Variants in CHLSN observed in about 807,000 individuals in gnomAD.
The protein encoded by CHLSN is protein cholesin.
chr7:1,009,123 C>T, the CHLSN span, among the ~76,000 whole-genome samples: 1 of 152,214 alleles, frequency 6.6e-6, no homozygotes, highest in Admixed American at 6.5e-5. Context: ...CACAGCCACA[C>T]TGGGGGTCAT....
At chr7:1,093,334 G>A in the CHLSN span, 19 of 422,708 alleles carry the variant, frequency 4.5e-5, no homozygotes, top group East Asian at 3.6e-4. Context: ...GCTGGACGTC[G>A]CGGTGTGTCC....
At chr7:1,029,884 C>T in the CHLSN span, among the ~76,000 whole-genome samples, 6 of 152,160 alleles carry the variant, frequency 3.9e-5, no homozygotes, top group Admixed American at 6.5e-5. Flanking sequence ...GTGGTGGCAG[C>T]GGGGCAGGCA....
chr7:997,796 A>G, the CHLSN span: 2 of 1,604,266 alleles, frequency 1.2e-6, no homozygotes, highest in Non-Finnish European at 1.7e-6. Context: ...AGAAGTGCTC[A>G]TCGGGAACCT....
chr7:1,030,523 T>C, the CHLSN span, among the ~76,000 whole-genome samples: 1 of 152,296 alleles, frequency 6.6e-6, no homozygotes, highest in South Asian at 2.1e-4. Context: ...CGCTTCCAGC[T>C]ACCCTGCTCT....
At chr7:1,065,738 G>T in the CHLSN span, among the ~76,000 whole-genome samples, 6 of 152,218 alleles carry the variant, frequency 3.9e-5, no homozygotes, top group Non-Finnish European at 7.3e-5. Context: ...GTCAGAACAC[G>T]CCAGGGTGGA....
At chr7:1,009,045 A>ACACGTACGCACATGCCCACG in the CHLSN span, among the ~76,000 whole-genome samples, 4 of 151,540 alleles carry the variant, frequency 2.6e-5, no homozygotes, top group Middle Eastern at 3.4e-3. Context: ...ACACATGCAC[A>ACACGTACGCACATGCCCACG]CACGTACACG....
chr7:1,032,269 T>C, the CHLSN span, among the ~76,000 whole-genome samples: 100,876 of 152,168 alleles, frequency 0.66, 35,029 homozygotes, highest in African/African-American at 0.87. Flanking sequence ...AACCTGGGGC[T>C]GAGGATGAAG....
the CHLSN span, among the ~76,000 whole-genome samples, chr7:1,006,754 T>C: frequency 5.5e-5 from 5 of 91,714 alleles, no homozygotes; most frequent in Middle Eastern, 0.013. Context: ...GATGGCCACA[T>C]TGCAGGGAAA....
the CHLSN span, chr7:1,092,514 C>T: frequency 1.6e-4 from 264 of 1,608,044 alleles, no homozygotes; most frequent in African/African-American, 2.9e-3. Flanking sequence ...GCATGATCCT[C>T]GCGGTGGTGC....
chr7:1,024,428 C>T, the CHLSN span: 1 of 152,232 alleles, frequency 6.6e-6, no homozygotes, highest in Admixed American at 6.5e-5. Context: ...ACCCATGGGA[C>T]AGGAGAGACG....
the CHLSN span, among the ~76,000 whole-genome samples, chr7:1,101,982 G>A: frequency 6.6e-6 from 1 of 152,264 alleles, no homozygotes; most frequent in Admixed American, 6.5e-5. Flanking sequence ...TGCCTTGGCA[G>A]CGTGTGAAAT....
At chr7:1,008,854 A>AACACACGC in the CHLSN span, among the ~76,000 whole-genome samples, 74 of 150,676 alleles carry the variant, frequency 4.9e-4, no homozygotes, top group African/African-American at 1.8e-3. Context: ...CACACACGTA[A>AACACACGC]ACACACGCAC....
the CHLSN span, among the ~76,000 whole-genome samples, chr7:1,016,850 CA>C: frequency 1.3e-4 from 12 of 94,092 alleles, no homozygotes; most frequent in African/African-American, 3.0e-4. Flanking sequence ...CGCCAGCACA[CA>C]GCAGCACACA....
the CHLSN span, among the ~76,000 whole-genome samples, chr7:1,032,723 T>C: frequency 6.6e-6 from 1 of 152,244 alleles, no homozygotes. Context: ...GCCCTTGGGC[T>C]GCTCCAGTCT....
At chr7:1,081,361 G>C in the CHLSN span, among the ~76,000 whole-genome samples, 4 of 152,364 alleles carry the variant, frequency 2.6e-5, no homozygotes, top group East Asian at 5.8e-4. Flanking sequence ...ATGAAAGGTG[G>C]GGGAAGGGGA....
chr7:984,432 G>A, the CHLSN span: 37 of 1,548,540 alleles, frequency 2.4e-5, no homozygotes, highest in Non-Finnish European at 3.0e-5. Context: ...GCTACGGGCC[G>A]GTGTTCACCG....
chr7:1,082,662 A>C, the CHLSN span, among the ~76,000 whole-genome samples: 1 of 152,180 alleles, frequency 6.6e-6, no homozygotes, highest in Non-Finnish European at 1.5e-5. Flanking sequence ...ATCCCAAAGC[A>C]TATCACAGCC....
chr7:983,711 A>G, the CHLSN span, among the ~76,000 whole-genome samples: 1 of 152,188 alleles, frequency 6.6e-6, no homozygotes, highest in African/African-American at 2.4e-5. Flanking sequence ...AGCAGAGGGG[A>G]GGAGGGCCTG....
At chr7:1,023,624 A>AACACACACAAACACAC in the CHLSN span, among the ~76,000 whole-genome samples, 1 of 122,302 alleles carries the variant, frequency 8.2e-6, no homozygotes, top group East Asian at 2.7e-4. This position sits in a 1 kb window ranked among gnomAD's most constrained non-coding sequence, Gnocchi z 5.0. Flanking sequence ...CCTCCCAGGA[A>AACACACACAAACACAC]ACACACACAC....
Sources: gnomAD v4.1 joint callset for allele counts (sites outside exome capture counted in the v4.1 genomes callset) on GRCh38, gnomAD v4.1.1 for gene constraint, Gnocchi (gnomAD v3.1) non-coding constraint, MANE v1.5 for transcripts, NCBI Gene and HGNC (gene_info 2026-07-23, HGNC 2026-07-21) for gene names.